The following TLN2 variants were observed in gnomAD, a reference collection of about 807,000 sequenced individuals.
TLN2 encodes talin 2, also known as talin-2.
TLN2 carries 118 observed loss-of-function variants against 294.7 expected under a neutral mutation model. The ratio of observed to expected loss-of-function variants is 0.40; its 90% CI spans 0.34 to 0.47. TLN2 has a LOEUF of 0.47. Among genes scored for constraint, TLN2 ranks in the 20% least tolerant of loss-of-function variants. TLN2 has a pLI of 0.84. For synonymous variants in TLN2, 1,431 were observed against 1,304.5 expected (o/e 1.10, Z -2.09); for missense variants, 3,083 against 3,282.2 (o/e 0.94, Z 1.48).
chr15:62,438,569 C>A (rs2035404202), intron 1 of TLN2, among the ~76,000 whole-genome samples: 1 of 152,100 alleles, frequency 6.6e-6, no homozygotes, highest in African/African-American at 2.4e-5. Flanking sequence ...ATCAGTCAGC[C>A]CATGTTGTTT....
intron 1 of TLN2, among the ~76,000 whole-genome samples, chr15:62,487,779 TG>T (rs2038485745): frequency 6.6e-6 from 1 of 152,078 alleles, no homozygotes; most frequent in Non-Finnish European, 1.5e-5. Flanking sequence ...GGCAGGCGCC[TG>T]TAGTCCCAGC....
chr15:62,605,313 C>G (rs1014972383), intron 2 of TLN2, among the ~76,000 whole-genome samples: 1 of 152,154 alleles, frequency 6.6e-6, no homozygotes, highest in East Asian at 1.9e-4. Flanking sequence ...GTTTCCTTAT[C>G]CTTTGTGTCT....
intron 1 of TLN2, among the ~76,000 whole-genome samples, chr15:62,470,896 G>T (rs540716225): frequency 3.4e-4 from 52 of 152,348 alleles, no homozygotes; most frequent in Middle Eastern, 3.4e-3. Context: ...TAGGCCTTAT[G>T]TACATTTTAA....
At chr15:62,801,555 C>A (rs1042680119) in intron 50 of TLN2, among the ~76,000 whole-genome samples, 2 of 152,186 alleles carry the variant, frequency 1.3e-5, no homozygotes, top group Non-Finnish European at 2.9e-5. Context: ...CCTGCAAAAG[C>A]GACCTAGAGC....
intron 43 of TLN2, among the ~76,000 whole-genome samples, chr15:62,779,405 A>C (rs2063951409): frequency 6.6e-6 from 1 of 152,242 alleles, no homozygotes; most frequent in Non-Finnish European, 1.5e-5. Context: ...TGTGCCATCT[A>C]CATCACGGCT....
chr15:62,434,710 A>G (rs1252615587), intron 1 of TLN2, among the ~76,000 whole-genome samples: 2 of 152,222 alleles, frequency 1.3e-5, no homozygotes, highest in Non-Finnish European at 2.9e-5. Context: ...CCAGTCCGCT[A>G]GGTAAAAATG....
At chr15:62,568,965 C>A (rs2043637638) in intron 1 of TLN2, among the ~76,000 whole-genome samples, 1 of 152,166 alleles carries the variant, frequency 6.6e-6, no homozygotes, top group Non-Finnish European at 1.5e-5. Flanking sequence ...GTTCTGGAAG[C>A]CAGAAGTCCC....
intron 19 of TLN2, among the ~76,000 whole-genome samples, chr15:62,704,382 G>T (rs974096841): frequency 6.6e-6 from 1 of 152,078 alleles, no homozygotes; most frequent in Non-Finnish European, 1.5e-5. Flanking sequence ...AGATCCTCTG[G>T]CATTCAGGTT....
intron 1 of TLN2, among the ~76,000 whole-genome samples, chr15:62,502,546 C>T (rs1194749489): frequency 3.3e-5 from 5 of 152,052 alleles, no homozygotes; most frequent in African/African-American, 7.2e-5. Context: ...CCTGGTGATA[C>T]GAGGGGTCTA....
At chr15:62,804,410 C>T (rs1292095804) in intron 50 of TLN2, among the ~76,000 whole-genome samples, 2 of 152,168 alleles carry the variant, frequency 1.3e-5, no homozygotes, top group Non-Finnish European at 2.9e-5. Context: ...CCAGCCTGGG[C>T]AACATAGGGA....
chr15:62,575,605 AACAC>A (rs147438095), intron 1 of TLN2, among the ~76,000 whole-genome samples: 25 of 150,086 alleles, frequency 1.7e-4, no homozygotes, highest in African/African-American at 5.1e-4. Context: ...TCACTTAAAA[AACAC>A]ACACACACAC....
At chr15:62,832,257 G>A (rs1239544025) in intron 54 of TLN2, 2 of 152,148 alleles carry the variant, frequency 1.3e-5, no homozygotes, top group African/African-American at 2.4e-5. Flanking sequence ...ACTTAAAATT[G>A]GATAAAAGGG....
At chr15:62,608,215 A>G (rs2047618332) in intron 2 of TLN2, among the ~76,000 whole-genome samples, 1 of 152,208 alleles carries the variant, frequency 6.6e-6, no homozygotes, top group African/African-American at 2.4e-5. Context: ...ATTGTTGGAA[A>G]AGGAAAATAT....
chr15:62,432,762 T>C (rs941482900), intron 1 of TLN2, among the ~76,000 whole-genome samples: 1 of 152,178 alleles, frequency 6.6e-6, no homozygotes, highest in Non-Finnish European at 1.5e-5. Context: ...TACATGTATT[T>C]TGGCCATGAC....
At chr15:62,548,174 C>T (rs974677866) in intron 1 of TLN2, among the ~76,000 whole-genome samples, 24 of 152,228 alleles carry the variant, frequency 1.6e-4, no homozygotes, top group Admixed American at 3.3e-4. Context: ...ATTAGGACTC[C>T]AGCCTGAGTC....
chr15:62,392,160 G>A (rs879442872), intron 1 of TLN2, among the ~76,000 whole-genome samples: 19 of 152,264 alleles, frequency 1.2e-4, no homozygotes, highest in Admixed American at 2.0e-4. Flanking sequence ...GGCGAGGAAA[G>A]GAGGGCGTTT....
At chr15:62,792,202 C>A (rs527436680) in intron 45 of TLN2, among the ~76,000 whole-genome samples, 1 of 152,170 alleles carries the variant, frequency 6.6e-6, no homozygotes. Context: ...TCTAATTACC[C>A]TCTAGAGCTA....
Position 62,459,089 on chromosome 15 carries a change from C to T in TLN2, c.-238+68404C>T, listed in dbSNP as rs576167819. On this transcript the variant is annotated intron_variant, in intron 1 of 58. Transcript: ENST00000636159. ...AATCTTGGCTCACTGCAACCTCCAC[C>T]TCCTGGGTTCAAGTTATTCTCCTGC... is the stretch of plus-strand genomic sequence containing the variant. 4.6e-5 allele frequency among the ~76,000 whole-genome samples: 7 copies of T among 152,144 alleles called. No homozygotes were observed. The South Asian group carries it at 1.5e-3, about 32-fold the overall frequency.
At chr15:62,437,431 C>T (rs2035338676) in intron 1 of TLN2, among the ~76,000 whole-genome samples, 2 of 151,152 alleles carry the variant, frequency 1.3e-5, no homozygotes, top group African/African-American at 4.9e-5. Context: ...TTTTTGTAGT[C>T]ACAGGATCTC....
Sources: gnomAD v4.1 joint callset for allele counts (sites outside exome capture counted in the v4.1 genomes callset) on GRCh38, gnomAD v4.1.1 for gene constraint, MANE v1.5 for transcripts, NCBI Gene and HGNC (gene_info 2026-07-23, HGNC 2026-07-21) for gene names.